The following PLOD1 variants were observed in gnomAD, a reference collection of about 807,000 sequenced individuals.
PLOD1 encodes the protein lysine hydroxylase.
Under a neutral mutation model 94.7 loss-of-function variants are expected in PLOD1, and 70 were observed. The observed-to-expected ratio is 0.74, with a 90% CI of 0.61 to 0.90. The LOEUF (loss-of-function observed/expected upper bound fraction) is 0.90, where lower values mean the gene tolerates loss of function less well. PLOD1 is among the 40% of genes least tolerant of loss of function. The probability of loss-of-function intolerance (pLI) is 0.00; values close to 1 mark genes in which losing one functional copy is unlikely to be tolerated. For missense variants in PLOD1, 905 were observed against 972.7 expected (o/e 0.93, Z 0.93); for synonymous variants, 417 against 400.2 (o/e 1.04, Z -0.50).
chr1:11,935,428 C>A (rs1645571325), intron 1 of PLOD1, among the ~76,000 whole-genome samples: 2 of 152,210 alleles, frequency 1.3e-5, no homozygotes, highest in African/African-American at 4.8e-5. Flanking sequence ...TTTGTGCTTT[C>A]ATCCATGTCC....
rs564453465 is a variant in PLOD1, at chr1:11,945,461, G to C, written c.77-2515G>C. On this transcript the variant is annotated intron_variant, in intron 1 of 18. Coordinates refer to ENST00000196061, the MANE Select transcript of PLOD1 (RefSeq NM_000302.4). ...ACCCAAAAAACAAAAACAAGAAAGG[G>C]GACACAGAGGGAGCCATGGTCCCTT... Among the ~76,000 whole-genome samples, 12 of 151,906 alleles carry C rather than the reference G, an allele frequency of 7.9e-5. No homozygotes were observed. The South Asian group carries it at 1.2e-3, about 16-fold the overall frequency.
At chr1:11,964,327 T>TGGGGGGTGGGGGGGGGGG in intron 12 of PLOD1, 27 bp downstream of exon 12, 1 of 546,370 alleles carries the variant, frequency 1.8e-6, no homozygotes. Context: ...TGGGGGTGGG[T>TGGGGGGTGGGGGGGGGGG]GGGGGACACC....
rs1645895677 is a variant in PLOD1, at chr1:11,975,197, G to A, written c.*389G>A. The A allele has an allele frequency of 3.1e-6, 1 of 320,332 alleles. No individual in the cohort carries two copies. Among genetic ancestry groups the A allele is most frequent in the African/African-American group, 2.1e-5 (1 of 46,684 alleles). The allele number at this position is 320,332 out of a possible 1,614,324, so 19.8% of individuals were successfully genotyped here. On this transcript the variant is annotated 3_prime_UTR_variant, in exon 19 of 19. Transcript: ENST00000196061. ...AAAGACTGTCTGGGTGAGAAGCCAT[G>A]GCCAGAGCTTCTCCCAGGCACAGGT...
chr1:11,936,632 C>T (rs1345929818), intron 1 of PLOD1, among the ~76,000 whole-genome samples: 2 of 151,960 alleles, frequency 1.3e-5, no homozygotes, highest in African/African-American at 4.8e-5. Context: ...AAGCAATTCT[C>T]GTGCGTCAGC....
chr1:11,935,790 A>G (rs140517048), intron 1 of PLOD1, among the ~76,000 whole-genome samples: 4,181 of 152,114 alleles, frequency 0.027, 199 homozygotes, highest in African/African-American at 0.095. Flanking sequence ...ATGCCTAGCT[A>G]ATTTTTGTAT....
chr1:11,942,957 G>A (rs978480480), intron 1 of PLOD1, among the ~76,000 whole-genome samples: 8 of 151,766 alleles, frequency 5.3e-5, no homozygotes, highest in Admixed American at 2.6e-4. Flanking sequence ...CAAGGAACCC[G>A]GGAGTTTTTT....
chr1:11,938,120 T>A (rs1476354331), intron 1 of PLOD1, among the ~76,000 whole-genome samples: 2 of 150,886 alleles, frequency 1.3e-5, no homozygotes, highest in Admixed American at 6.6e-5. Flanking sequence ...GCCTGGCTAA[T>A]TTTTGTATTT....
chr1:11,963,458 T>C lies in PLOD1; in HGVS notation c.1098-74T>C. 1.1e-6 allele frequency: 1 copy of C among 948,542 alleles called. No individual in the cohort carries two copies. The highest frequency in any genetic ancestry group is 1.4e-5 in the South Asian group (1 of 72,212). 58.8% of individuals were successfully genotyped at this position (948,542 alleles called of 1,614,324 possible). ...TGGCTGATATGTGGTGAAGCCAGAC[T>C]GTGGTCACAGATGTGAGCAGCCACC... On this transcript the variant is annotated intron_variant, in intron 10 of 18. Transcript: ENST00000196061. The surrounding 1 kb of genome is among the most constrained non-coding windows in gnomAD (Gnocchi z 4.3).
At chr1:11,950,961 T>G (rs896789683) in intron 4 of PLOD1, among the ~76,000 whole-genome samples, 1 of 152,084 alleles carries the variant, frequency 6.6e-6, no homozygotes, top group Non-Finnish European at 1.5e-5. Flanking sequence ...GCCCGGCTAA[T>G]TTTTGTATAT....
chr1:11,948,419 G>A (rs925296657), intron 2 of PLOD1, among the ~76,000 whole-genome samples: 1 of 152,082 alleles, frequency 6.6e-6, no homozygotes, highest in Non-Finnish European at 1.5e-5. Context: ...ACATCTTCCC[G>A]GTATTATAAA....
intron 1 of PLOD1, among the ~76,000 whole-genome samples, chr1:11,936,717 T>G (rs1427724617): frequency 6.6e-6 from 1 of 152,018 alleles, no homozygotes; most frequent in South Asian, 2.1e-4. Flanking sequence ...GAGACGAGGT[T>G]TCGCCATGTT....
chr1:11,962,274 C>CTTTTTTTTTT (rs780613164), intron 10 of PLOD1, among the ~76,000 whole-genome samples: 3 of 99,090 alleles, frequency 3.0e-5, no homozygotes, highest in Non-Finnish European at 5.6e-5. Context: ...TTTTTGTTTT[C>CTTTTTTTTTT]TTTTTTTTTT....
intron 5 of PLOD1, among the ~76,000 whole-genome samples, chr1:11,953,921 G>C (rs1645720477): frequency 6.6e-6 from 1 of 151,790 alleles, no homozygotes; most frequent in Admixed American, 6.6e-5. Flanking sequence ...CTGATGCGCA[G>C]TGGCAGAAAC....
At chr1:11,970,526 G>A (rs1384451029) in intron 16 of PLOD1, 144 bp from the exon 17 acceptor site, 3 of 782,048 alleles carry the variant, frequency 3.8e-6, no homozygotes, top group Non-Finnish European at 6.6e-6. Flanking sequence ...AACTGATTAG[G>A]AGCCTTAATT....
chr1:11,948,723 C>A (rs1645675276), intron 2 of PLOD1, among the ~76,000 whole-genome samples: 1 of 145,788 alleles, frequency 6.9e-6, no homozygotes, highest in African/African-American at 2.7e-5. Flanking sequence ...GAGTGAAACT[C>A]TGTCTCAAAA....
rs1031865594 is a variant in PLOD1, at chr1:11,972,759, T to C, written c.1903-113T>C. 3.3e-6 allele frequency: 4 copies of C among 1,208,352 alleles called. No individual in the cohort carries two copies. The African/African-American group carries it at 6.0e-5, about 18-fold the overall frequency. 74.9% of individuals were successfully genotyped at this position (1,208,352 alleles called of 1,614,324 possible). A position where few individuals can be genotyped will look rare whatever the true frequency, so the allele number is the denominator to read the frequency against. On this transcript the variant is annotated intron_variant, in intron 17 of 18. Transcript: ENST00000196061. The surrounding 1 kb of genome is among the most constrained non-coding windows in gnomAD (Gnocchi z 4.6). ...TAGAGCCCCATGTAGACCTGGCCCC[T>C]GTAAGCTGACCTGCAGCAGGCCAGA...
rs1283020139 is a variant in PLOD1, at chr1:11,965,480, G to A, written c.1471G>A (p.Asp491Asn). Residue 491 changes from aspartate (D) to asparagine (N), a missense_variant and splice_region_variant, in exon 14 of 19, where the codon GAT (aspartate) becomes AAT (asparagine). Physicochemically the swap from Asp to Asn is conservative, Grantham distance 23. Coordinates refer to ENST00000196061, the MANE Select transcript of PLOD1 (RefSeq NM_000302.4). ...MAFCANIRQQ[D>N]VFMFLTNRHT... Reference sequence around the variant, plus strand: ...CTTCCACCGGGCCTGTCCTCCCCAGGATGTGTTCATGTTCCTGACCAACCG... The same window carrying A: ...CTTCCACCGGGCCTGTCCTCCCCAGAATGTGTTCATGTTCCTGACCAACCG... The A allele has an allele frequency of 2.5e-6, 4 of 1,599,858 alleles. No homozygotes were observed. Among genetic ancestry groups the A allele is most frequent in the Non-Finnish European group, 3.4e-6 (4 of 1,167,722 alleles).
intron 16 of PLOD1, among the ~76,000 whole-genome samples, chr1:11,969,706 C>T (rs542548078): frequency 6.6e-6 from 1 of 152,262 alleles, no homozygotes; most frequent in Non-Finnish European, 1.5e-5. Context: ...CATCTGAGGC[C>T]CAGGATTCCA....
intron 16 of PLOD1, among the ~76,000 whole-genome samples, chr1:11,969,730 T>C (rs1383306896): frequency 1.3e-5 from 2 of 152,142 alleles, no homozygotes; most frequent in Admixed American, 6.6e-5. Context: ...CAAACTCACT[T>C]GGTTGTTGCA....
Sources: allele counts gnomAD v4.1 joint callset (sites outside exome capture counted in the v4.1 genomes callset), GRCh38; gene constraint gnomAD v4.1.1; non-coding constraint Gnocchi (gnomAD v3.1); transcripts MANE v1.5; gene names NCBI Gene and HGNC (gene_info 2026-07-23, HGNC 2026-07-21).